The following TMPRSS11A variants were observed in gnomAD, a reference collection of about 807,000 sequenced individuals.
The protein encoded by TMPRSS11A is transmembrane serine protease 11A.
Under a neutral mutation model 58.9 loss-of-function variants are expected in TMPRSS11A, and 53 were observed. That is an observed-to-expected ratio of 0.90 (90% CI 0.72 to 1.13). The LOEUF is 1.13. TMPRSS11A is among the 50% of genes most tolerant of loss of function. The probability of loss-of-function intolerance (pLI) is 0.00; values close to 1 mark genes in which losing one functional copy is unlikely to be tolerated. For missense variants in TMPRSS11A, 493 were observed against 499.3 expected, an observed-to-expected ratio of 0.99 and a Z score of 0.12; for synonymous variants, 167 against 169.8, an observed-to-expected ratio of 0.98 and a Z score of 0.13.
At chr4:67,945,273 G>A (rs1254338836) in intron 2 of TMPRSS11A, among the ~76,000 whole-genome samples, 1 of 152,156 alleles carries the variant, frequency 6.6e-6, no homozygotes, top group African/African-American at 2.4e-5. Flanking sequence ...AATCTGAGGA[G>A]TAAGGCCCAG....
intron 8 of TMPRSS11A, among the ~76,000 whole-genome samples, chr4:67,918,225 C>T (rs751348479): frequency 1.3e-5 from 2 of 152,206 alleles, no homozygotes; most frequent in Non-Finnish European, 2.9e-5. Flanking sequence ...TTTTGTTATA[C>T]ATATGTACCT....
intron 7 of TMPRSS11A, among the ~76,000 whole-genome samples, chr4:67,921,137 T>C (rs1051884311): frequency 5.3e-5 from 8 of 152,116 alleles, no homozygotes; most frequent in Admixed American, 2.6e-4. Flanking sequence ...GAGTATAGAT[T>C]TGGTGTTCAA....
In TMPRSS11A at chr4:67,910,159, G is replaced by T. The variant is rs1477609232; in HGVS notation, c.*1183C>A. The T allele has an allele frequency of 6.6e-6, 1 of 151,882 alleles. No homozygotes were observed. The highest frequency in any genetic ancestry group is 2.4e-5 in the African/African-American group (1 of 41,386). The allele number at this position is 151,882 out of a possible 1,614,324, so 9.4% of individuals were successfully genotyped here. ...CTCTCCTAATGACTTCAGGAGACAC[G>T]TTGCTGATGGAGTATGTTTTCTCTT... On this transcript the variant is annotated 3_prime_UTR_variant, in exon 10 of 10. Transcript: ENST00000508048.
At position 67,940,255 on chromosome 4, in the gene TMPRSS11A, A is replaced by AT. The variant is rs915825080; in HGVS notation, c.252+4263dup. 2.6e-4 allele frequency among the ~76,000 whole-genome samples: 40 copies of AT among 152,214 alleles called. No individual in the cohort carries two copies. The Middle Eastern group carries it at 0.014, about 52-fold the overall frequency. On this transcript the variant is annotated intron_variant, in intron 3 of 9. Coordinates refer to ENST00000508048, the MANE Select transcript of TMPRSS11A (RefSeq NM_001114387.2). ...AGGGTAATGCTGACTTCATAGAATG[A>AT]TTTAGGAAGAAGTCTCTTCTCAATT... is the stretch of plus-strand genomic sequence containing the variant.
chr4:67,953,448 TA>T (rs1273693531), intron 1 of TMPRSS11A, among the ~76,000 whole-genome samples: 1 of 152,152 alleles, frequency 6.6e-6, no homozygotes, highest in Non-Finnish European at 1.5e-5. Context: ...TAGATTGAAG[TA>T]AAAGTTTTCC....
chr4:67,943,119 C>T (rs952082148), intron 3 of TMPRSS11A, among the ~76,000 whole-genome samples: 4 of 152,088 alleles, frequency 2.6e-5, no homozygotes, highest in South Asian at 2.1e-4. Context: ...TGCAGGTACC[C>T]ATGATGATAA....
At chr4:67,913,846 T>G (rs1720070659) in intron 9 of TMPRSS11A, among the ~76,000 whole-genome samples, 1 of 152,224 alleles carries the variant, frequency 6.6e-6, no homozygotes, top group Non-Finnish European at 1.5e-5. Flanking sequence ...CATTCCATCA[T>G]TTCCACATAG....
intron 7 of TMPRSS11A, among the ~76,000 whole-genome samples, chr4:67,922,218 T>G (rs1332139906): frequency 2.0e-5 from 3 of 152,232 alleles, no homozygotes; most frequent in Non-Finnish European, 2.9e-5. Flanking sequence ...ATGCTAGCAA[T>G]CTCTCATTTT....
intron 1 of TMPRSS11A, 120 bp from the exon 2 acceptor site, chr4:67,946,691 T>A: frequency 9.8e-7 from 1 of 1,023,938 alleles, no homozygotes; most frequent in Non-Finnish European, 1.3e-6. Context: ...GGTCTTTAAT[T>A]TTGTTCAATG....
At chr4:67,920,550 T>TATATATATATATA (rs374550125) in intron 7 of TMPRSS11A, among the ~76,000 whole-genome samples, 846 of 58,350 alleles carry the variant, frequency 0.014, 5 homozygotes, top group East Asian at 0.09. Flanking sequence ...TATATATATA[T>TATATATATATATA]TTTTTTTTAT....
At chr4:67,953,918 CAAAG>C (rs917122717) in intron 1 of TMPRSS11A, among the ~76,000 whole-genome samples, 1 of 152,006 alleles carries the variant, frequency 6.6e-6, no homozygotes, top group African/African-American at 2.4e-5. Context: ...GAGGAAGAAA[CAAAG>C]AAAACATTTT....
intron 1 of TMPRSS11A, 75 bp from the exon 2 acceptor site, chr4:67,946,646 T>G: frequency 6.9e-7 from 1 of 1,448,556 alleles, no homozygotes; most frequent in Non-Finnish European, 9.2e-7. Context: ...CTTAGACAAG[T>G]TCAAGTTGCT....
rs565713210 is a variant in TMPRSS11A at position 67,918,866 on chromosome 4, T to A, written c.952+107A>T. 17 of 1,306,644 alleles carry A rather than the reference T, an allele frequency of 1.3e-5. No individual in the cohort carries two copies. The South Asian group carries it at 2.3e-4, about 18-fold the overall frequency. 80.9% of individuals were successfully genotyped at this position (1,306,644 alleles called of 1,614,324 possible). On this transcript the variant is annotated intron_variant, in intron 8 of 9. Coordinates refer to ENST00000508048, the MANE Select transcript of TMPRSS11A (RefSeq NM_001114387.2). ...CACACAAAGTAAGAACCCTAACTAATCCAACCAGACTGTGTGGAAATGGCT... is the reference window on the plus strand; with the variant it reads ...CACACAAAGTAAGAACCCTAACTAAACCAACCAGACTGTGTGGAAATGGCT...
At chr4:67,945,004 AG>A (rs1331571782) in intron 2 of TMPRSS11A, among the ~76,000 whole-genome samples, 29 of 152,300 alleles carry the variant, frequency 1.9e-4, no homozygotes, top group African/African-American at 7.0e-4. Flanking sequence ...CTAGCTGTAG[AG>A]CTTGAACATT....
At chr4:67,913,850 C>T (rs1720070728) in intron 9 of TMPRSS11A, among the ~76,000 whole-genome samples, 1 of 152,182 alleles carries the variant, frequency 6.6e-6, no homozygotes, top group Non-Finnish European at 1.5e-5. Context: ...CCATCATTTC[C>T]ACATAGAGTG....
intron 1 of TMPRSS11A, among the ~76,000 whole-genome samples, chr4:67,958,885 GT>G (rs1452633684): frequency 6.6e-6 from 1 of 152,166 alleles, no homozygotes; most frequent in African/African-American, 2.4e-5. Flanking sequence ...TGCTATTCTT[GT>G]GATAATGAAT....
In TMPRSS11A at chr4:67,946,556, G is replaced by A. The variant is rs1012112386; in HGVS notation, c.27C>T (p.Gly9=). The change falls in exon 2 of 10, where the codon GGC becomes GGT. Residue 9 remains glycine (G), a synonymous_variant. Transcript: ENST00000508048. ...ATGGCTTCAGATTTCTGCTTCGGGT[G>A]CCAAATCCCACTGTCCTGAGAAAAG... MMYRTVGF[G]TRSRNLKPWM... is the part of the protein sequence containing the mutation. 3 of 1,610,994 alleles carry A rather than the reference G, an allele frequency of 1.9e-6. No individual in the cohort carries two copies. The highest frequency in any genetic ancestry group is 1.7e-6 in the Non-Finnish European group (2 of 1,178,598).
Position 67,944,501 on chromosome 4 carries a change from G to T in TMPRSS11A, c.252+18C>A. On this transcript the variant is annotated intron_variant, in intron 3 of 9. Transcript: ENST00000508048. ...CACTTGCATTATTCTATGATAAAAA[G>T]AAGTTTACCTGACTCACCAAATTTT... is the stretch of plus-strand genomic sequence containing the variant. 3 of 1,600,620 alleles carry T rather than the reference G, an allele frequency of 1.9e-6. No homozygotes were observed. The highest frequency in any genetic ancestry group is 2.6e-6 in the Non-Finnish European group (3 of 1,175,340).
At chr4:67,931,843 T>C in intron 4 of TMPRSS11A, 150 bp downstream of exon 4, 1 of 555,686 alleles carries the variant, frequency 1.8e-6, no homozygotes, top group Non-Finnish European at 3.2e-6. Context: ...TGGTCAGCCC[T>C]ATACTTCAAG....
Sources: gnomAD v4.1 joint callset for allele counts (sites outside exome capture counted in the v4.1 genomes callset) on GRCh38, gnomAD v4.1.1 for gene constraint, MANE v1.5 for transcripts, NCBI Gene and HGNC (gene_info 2026-07-23, HGNC 2026-07-21) for gene names.